PCDHGC4: variants seen among roughly 807,000 people sequenced by gnomAD.
PCDHGC4 encodes protocadherin gamma subfamily C, 4.
PCDHGC4 carries 15 observed loss-of-function variants against 59.7 expected under a neutral mutation model. The observed-to-expected ratio is 0.25, with a 90% CI of 0.17 to 0.39. The LOEUF (loss-of-function observed/expected upper bound fraction) is 0.39, where lower values mean the gene tolerates loss of function less well. PCDHGC4 is among the 10% of genes least tolerant of loss of function. PCDHGC4 has a pLI of 1.00. For synonymous variants in PCDHGC4, 434 were observed against 481.4 expected (o/e 0.90, Z 1.29); for missense variants, 1,016 against 1,189.5 (o/e 0.85, Z 2.15).
chr5:141,490,644 T>C lies in PCDHGC4; in HGVS notation c.2442+3029T>C. The C allele has an allele frequency of 6.2e-7, 1 of 1,614,188 alleles. No homozygotes were observed. Among genetic ancestry groups the C allele is most frequent in the Non-Finnish European group, 8.5e-7 (1 of 1,180,016 alleles). On this transcript the variant is annotated intron_variant, in intron 1 of 3. Coordinates refer to ENST00000306593, the MANE Select transcript of PCDHGC4 (RefSeq NM_018928.3). The surrounding 1 kb of genome is among the most constrained non-coding windows in gnomAD (Gnocchi z 5.4). Reference sequence around the variant, plus strand: ...CTGCTTACATCCTAGAAAACCGGCCTCCGGGCTCCCTTCTTTGCACTGTGG... The same window carrying C: ...CTGCTTACATCCTAGAAAACCGGCCCCCGGGCTCCCTTCTTTGCACTGTGG...
rs200045647 is a variant in PCDHGC4, at chr5:141,490,150, G to A, written c.2442+2535G>A. 50 of 1,614,246 alleles carry A rather than the reference G, an allele frequency of 3.1e-5. No individual in the cohort carries two copies. The Admixed American group carries it at 7.7e-4, about 25-fold the overall frequency. On this transcript the variant is annotated intron_variant, in intron 1 of 3. Transcript: ENST00000306593. The surrounding 1 kb of genome is among the most constrained non-coding windows in gnomAD (Gnocchi z 5.4). ...AGACCCTAGCAGTGGGGCAATCCAT[G>A]TGTTGGGTCCCATAGACTTTGAGGA...
Position 141,489,999 on chromosome 5 carries a change from GA to G in PCDHGC4, c.2442+2386del. On this transcript the variant is annotated intron_variant, in intron 1 of 3. Transcript: ENST00000306593. The surrounding 1 kb of genome is among the most constrained non-coding windows in gnomAD (Gnocchi z 4.5). ...CAGTTCTACGTGTGGGAATCCCAGA[GA>G]ATGCACCCATTGGTACTCTGCTGCT... 1 of 1,614,242 alleles carries G rather than the reference GA, an allele frequency of 6.2e-7. No individual in the cohort carries two copies. Among genetic ancestry groups the G allele is most frequent in the Non-Finnish European group, 8.5e-7 (1 of 1,180,032 alleles).
chr5:141,496,723 T>G (rs1312615861), intron 2 of PCDHGC4, among the ~76,000 whole-genome samples: 3 of 152,212 alleles, frequency 2.0e-5, no homozygotes, highest in Non-Finnish European at 4.4e-5. Context: ...AAGTCATTAA[T>G]GTATTCATTC....
Position 141,510,960 on chromosome 5 carries a change from G to T in PCDHGC4, c.2604G>T (p.Gly868=). The T allele has an allele frequency of 6.2e-7, 1 of 1,614,120 alleles. No individual in the cohort carries two copies. The highest frequency in any genetic ancestry group is 1.3e-5 in the African/African-American group (1 of 75,022). ...ILASASEAAD[G]SSTLGGGAGT... is the part of the protein sequence containing the mutation. ...CTGTCTCTGCAGAAGCTGCTGATGG[G>T]AGCTCCACCCTGGGAGGGGGTGCCG... Residue 868 remains glycine, a synonymous_variant, in exon 4 of 4, where the codon GGG becomes GGT. Transcript: ENST00000306593.
chr5:141,510,656 A>C (rs761093897), intron 3 of PCDHGC4, among the ~76,000 whole-genome samples: 4 of 152,304 alleles, frequency 2.6e-5, no homozygotes, highest in Non-Finnish European at 5.9e-5. Flanking sequence ...CCCATTTTGC[A>C]GATGAGAAAA....
At position 141,490,664 on chromosome 5, in the gene PCDHGC4, C is replaced by T; in HGVS notation, c.2442+3049C>T. 6.2e-7 allele frequency: 1 copy of T among 1,614,212 alleles called. No homozygotes were observed. The highest frequency in any genetic ancestry group is 1.1e-5 in the South Asian group (1 of 91,084). On this transcript the variant is annotated intron_variant, in intron 1 of 3. Coordinates refer to ENST00000306593, the MANE Select transcript of PCDHGC4 (RefSeq NM_018928.3). The surrounding 1 kb of genome is among the most constrained non-coding windows in gnomAD (Gnocchi z 5.4). ...CGGCCTCCGGGCTCCCTTCTTTGCA[C>T]TGTGGCTGCCTCAGATCCAGACACT...
chr5:141,489,558 G>A lies in PCDHGC4; in HGVS notation c.2442+1943G>A. On this transcript the variant is annotated intron_variant, in intron 1 of 3. Coordinates refer to ENST00000306593, the MANE Select transcript of PCDHGC4 (RefSeq NM_018928.3). The surrounding 1 kb of genome is among the most constrained non-coding windows in gnomAD (Gnocchi z 4.5). ...CCAGCACCAGCTGCCTGCTGCCAGT[G>A]CAGGTGGTGACTGAACACCCCCTGG... 1 of 1,614,130 alleles carries A rather than the reference G, an allele frequency of 6.2e-7. No individual in the cohort carries two copies. Among genetic ancestry groups the A allele is most frequent in the Non-Finnish European group, 8.5e-7 (1 of 1,180,024 alleles).
In PCDHGC4 at chr5:141,485,031, C is replaced by A; in HGVS notation, c.-143C>A. On this transcript the variant is annotated 5_prime_UTR_variant, in exon 1 of 4. Coordinates refer to ENST00000306593, the MANE Select transcript of PCDHGC4 (RefSeq NM_018928.3). The surrounding 1 kb of genome is among the most constrained non-coding windows in gnomAD (Gnocchi z 5.7). Reference sequence around the variant, plus strand: ...TACCCCGCCACCAGCAAAAACGGCGCGTAACCCTTGCGGCGCCGGCCGAAC... The same window carrying A: ...TACCCCGCCACCAGCAAAAACGGCGAGTAACCCTTGCGGCGCCGGCCGAAC... The A allele has an allele frequency of 1.5e-6, 1 of 680,514 alleles. No homozygotes were observed. Among genetic ancestry groups the A allele is most frequent in the South Asian group, 1.8e-5 (1 of 54,868 alleles). 42.2% of individuals were successfully genotyped at this position (680,514 alleles called of 1,614,324 possible). A position where few individuals can be genotyped will look rare whatever the true frequency, so the allele number is the denominator to read the frequency against.
rs2099883887 is a variant in PCDHGC4, at chr5:141,511,641, ACC to A, written c.*469_*470del. 4.4e-6 allele frequency: 1 copy of A among 224,930 alleles called. No homozygotes were observed. Among genetic ancestry groups the A allele is most frequent in the Non-Finnish European group, 9.1e-6 (1 of 110,428 alleles). 13.9% of individuals were successfully genotyped at this position (224,930 alleles called of 1,614,324 possible). A position where few individuals can be genotyped will look rare whatever the true frequency, so the allele number is the denominator to read the frequency against. ...TCTGAAAAGTTGGAAGGGCATCATG[ACC>A]TCTTGGCCTCTCCTTTGATTCTCAA... On this transcript the variant is annotated 3_prime_UTR_variant, in exon 4 of 4. Coordinates refer to ENST00000306593, the MANE Select transcript of PCDHGC4 (RefSeq NM_018928.3).
At position 141,486,602 on chromosome 5, in the gene PCDHGC4, C is replaced by T; in HGVS notation, c.1429C>T (p.Leu477Phe). ...NNRPGDLLCS[L>F]AASDPDSGLN... The stretch of plus-strand genomic sequence containing the variant: ...TCGCCCAGGGGACCTGCTTTGCTCC[C>T]TTGCAGCCTCTGACCCAGACTCTGG... The change falls in exon 1 of 4, where the codon CTT becomes TTT. Residue 477 changes from leucine (L) to phenylalanine (F), a missense_variant. Leu to Phe is a conservative substitution (Grantham distance 22, BLOSUM62 0). Transcript: ENST00000306593. The surrounding 1 kb of genome is among the most constrained non-coding windows in gnomAD (Gnocchi z 5.0). 6.2e-7 allele frequency: 1 copy of T among 1,613,572 alleles called. No homozygotes were observed. Among genetic ancestry groups the T allele is most frequent in the Non-Finnish European group, 8.5e-7 (1 of 1,180,026 alleles).
rs1425448852 is a variant in PCDHGC4, at chr5:141,493,717, C to T, written c.2443-1090C>T. Among the ~76,000 whole-genome samples the T allele has an allele frequency of 1.3e-5, 2 of 152,208 alleles. No individual in the cohort carries two copies. The highest frequency in any genetic ancestry group is 3.8e-4 in the East Asian group (2 of 5,202). On this transcript the variant is annotated intron_variant, in intron 1 of 3. Coordinates refer to ENST00000306593, the MANE Select transcript of PCDHGC4 (RefSeq NM_018928.3). This position sits in a 1 kb window ranked among gnomAD's most constrained non-coding sequence, Gnocchi z 4.3. ...CCGATACACCTGGAATGCTAGGTTT[C>T]TGGGTTCTGCTCATATCACTGCCAC...
intron 1 of PCDHGC4, chr5:141,492,055 G>C (rs1335131646): frequency 4.1e-6 from 2 of 493,506 alleles, no homozygotes; most frequent in Non-Finnish European, 7.1e-6. Flanking sequence ...CACCCCTGCA[G>C]CCAGCCTCCT....
intron 1 of PCDHGC4, among the ~76,000 whole-genome samples, chr5:141,492,337 C>T (rs559700346): frequency 1.0e-3 from 158 of 152,324 alleles, no homozygotes; most frequent in African/African-American, 3.7e-3. Flanking sequence ...TACGCGAATA[C>T]CAGCTTTCAC....
intron 2 of PCDHGC4, among the ~76,000 whole-genome samples, chr5:141,498,404 C>T (rs1283586713): frequency 6.6e-6 from 1 of 152,104 alleles, no homozygotes; most frequent in African/African-American, 2.4e-5. Context: ...AGGGAGTTTT[C>T]TCTTTGCTGG....
In PCDHGC4 at chr5:141,490,242, T is replaced by G. The variant is rs2099697678; in HGVS notation, c.2442+2627T>G. 6.2e-7 allele frequency: 1 copy of G among 1,614,194 alleles called. No individual in the cohort carries two copies. The highest frequency in any genetic ancestry group is 8.5e-7 in the Non-Finnish European group (1 of 1,180,028). ...GACAGCCTGCCATGGAGGGCCACTG[T>G]GTGATTCAAGTGGATGTGGGGGATG... On this transcript the variant is annotated intron_variant, in intron 1 of 3. Transcript: ENST00000306593. The surrounding 1 kb of genome is among the most constrained non-coding windows in gnomAD (Gnocchi z 5.4).
intron 2 of PCDHGC4, among the ~76,000 whole-genome samples, chr5:141,495,826 A>G (rs1190417828): frequency 6.6e-6 from 1 of 150,888 alleles, no homozygotes; most frequent in African/African-American, 2.4e-5. Flanking sequence ...GTGTTCTTCT[A>G]TCCCCAGCCT....
chr5:141,497,693 C>T (rs2099778709), intron 2 of PCDHGC4, among the ~76,000 whole-genome samples: 2 of 152,136 alleles, frequency 1.3e-5, no homozygotes, highest in Admixed American at 6.5e-5. Context: ...GTGTGCACCA[C>T]CACACCCAGC....
chr5:141,495,470 C>A (rs2099761615), intron 2 of PCDHGC4, among the ~76,000 whole-genome samples: 1 of 152,196 alleles, frequency 6.6e-6, no homozygotes, highest in African/African-American at 2.4e-5. Flanking sequence ...GTGGGGTCTC[C>A]GTGTCTCTGC....
intron 2 of PCDHGC4, among the ~76,000 whole-genome samples, chr5:141,503,324 C>T (rs1389385473): frequency 7.9e-5 from 12 of 152,014 alleles, no homozygotes; most frequent in South Asian, 2.1e-4. Context: ...TGGAGGGGCG[C>T]GGTGGCTCAC....
Sources: allele counts gnomAD v4.1 joint callset (sites outside exome capture counted in the v4.1 genomes callset), GRCh38; gene constraint gnomAD v4.1.1; non-coding constraint Gnocchi (gnomAD v3.1); transcripts MANE v1.5; gene names NCBI Gene and HGNC (gene_info 2026-07-23, HGNC 2026-07-21).